The following NGEF variants were observed in gnomAD, a reference collection of about 807,000 sequenced individuals.
The protein encoded by NGEF is neuronal guanine nucleotide exchange factor.
NGEF carries 31 observed loss-of-function variants against 80.9 expected under a neutral mutation model. The observed-to-expected ratio is 0.38, with a 90% confidence interval of 0.29 to 0.52. The LOEUF is 0.52. NGEF is among the 20% of genes least tolerant of loss of function. The probability of loss-of-function intolerance (pLI) is 0.84; values close to 1 mark genes in which losing one functional copy is unlikely to be tolerated. For synonymous variants in NGEF, 371 were observed against 370.2 expected, an observed-to-expected ratio of 1.00 and a Z score of -0.03; for missense variants, 709 against 926.2, an observed-to-expected ratio of 0.77 and a Z score of 3.04.
At chr2:232,947,615 C>CT (rs1693585921) in intron 3 of NGEF, among the ~76,000 whole-genome samples, 1 of 152,224 alleles carries the variant, frequency 6.6e-6, no homozygotes, top group Non-Finnish European at 1.5e-5. Context: ...GCTTCGCCTT[C>CT]TGCCATAATT....
At chr2:232,946,623 G>T (rs1476397652) in intron 3 of NGEF, among the ~76,000 whole-genome samples, 1 of 152,182 alleles carries the variant, frequency 6.6e-6, no homozygotes, top group Non-Finnish European at 1.5e-5. Flanking sequence ...CTAATGCCCA[G>T]ATCTTGGTTT....
rs752436267 is a variant in NGEF at position 232,883,415 on chromosome 2, C to T, written c.1653G>A (p.Glu551=). The T allele has an allele frequency of 1.2e-6, 2 of 1,610,872 alleles. No individual in the cohort carries two copies. Among genetic ancestry groups the T allele is most frequent in the East Asian group, 2.2e-5 (1 of 44,772 alleles). ...DSAPRGLLRV[E]ELEDQGQTLA... is the part of the protein sequence containing the mutation. ...GCGTCTGGCCCTGGTCCTCCAGCTC[C>T]TCCACACGCAGCAGTCCCCGCGGAG... Residue 551 remains glutamate (E), a synonymous_variant, in exon 12 of 15, where the codon GAG becomes GAA. Transcript: ENST00000264051.
intron 3 of NGEF, among the ~76,000 whole-genome samples, chr2:232,939,112 A>G (rs901726844): frequency 1.4e-5 from 2 of 140,246 alleles, no homozygotes; most frequent in East Asian, 2.3e-4. Context: ...TGGGATGAAG[A>G]GGTTGCAGTG....
chr2:232,902,373 A>C (rs1240257947), intron 5 of NGEF, among the ~76,000 whole-genome samples: 1 of 152,202 alleles, frequency 6.6e-6, no homozygotes, highest in Admixed American at 6.5e-5. Flanking sequence ...TCTTTAGTGA[A>C]TTCGAGGCCG....
At position 232,995,363 on chromosome 2, in the gene NGEF, C is replaced by CAGTA. The variant is rs1441148723; in HGVS notation, c.-75+17704_-75+17705insTACT. 2.1e-4 allele frequency among the ~76,000 whole-genome samples: 2 copies of CAGTA among 9,628 alleles called. 1 individual carries two copies. Among genetic ancestry groups the CAGTA allele is most frequent in the African/African-American group, 1.5e-3 (2 of 1,342 alleles). The allele number at this position is 9,628 out of a possible 152,430, so 6.3% of individuals were successfully genotyped here. On this transcript the variant is annotated intron_variant, in intron 1 of 14. Transcript: ENST00000264051. ...CTATATACAGTATGTATACTGTATA[C>CAGTA]TGTATATATATACACAGTATGTATA...
Position 232,892,862 on chromosome 2 carries a change from C to A in NGEF, c.1142+36G>T. 2.5e-6 allele frequency: 4 copies of A among 1,602,906 alleles called. No homozygotes were observed. The South Asian group carries it at 3.3e-5, about 13-fold the overall frequency. On this transcript the variant is annotated intron_variant, in intron 7 of 14. Transcript: ENST00000264051. The surrounding 1 kb of genome is among the most constrained non-coding windows in gnomAD (Gnocchi z 4.0). ...ACTGGTATGGCTGCCCCGGGCACCT[C>A]CCCCTGCCCCTGAGCCCCTTGCCGG... is the stretch of plus-strand genomic sequence containing the variant.
chr2:232,979,854 C>CTT (rs370409750), intron 1 of NGEF, among the ~76,000 whole-genome samples: 2 of 145,334 alleles, frequency 1.4e-5, no homozygotes. Context: ...CTGTAAACAT[C>CTT]TTTTTTTTTT....
At chr2:232,880,874 C>T (rs549169906) in intron 14 of NGEF, among the ~76,000 whole-genome samples, 9 of 152,110 alleles carry the variant, frequency 5.9e-5, no homozygotes, top group Admixed American at 3.9e-4. Context: ...CGAAGCCACC[C>T]GCTTGGGCTG....
intron 3 of NGEF, among the ~76,000 whole-genome samples, chr2:232,946,002 T>C (rs995960786): frequency 1.3e-5 from 2 of 151,130 alleles, no homozygotes; most frequent in African/African-American, 4.9e-5. Context: ...AACTGTGATA[T>C]CCATATATAT....
Position 232,974,687 on chromosome 2 carries a change from G to A in NGEF, c.204C>T (p.Ser68=), listed in dbSNP as rs1235285901. The A allele has an allele frequency of 1.2e-6, 2 of 1,614,094 alleles. No individual in the cohort carries two copies. Residue 68 remains serine, a synonymous_variant, in exon 2 of 15, where the codon TCC becomes TCT. Transcript: ENST00000264051. ...PIKRNSIFNR[S]IRRKSKAKAR... is the part of the protein sequence containing the mutation. ...CCTTGGCTTTGCTTTTGCGTCTTAT[G>A]GAGCGATTGAAGATGGAATTTCTCT... is the stretch of plus-strand genomic sequence containing the variant.
intron 3 of NGEF, among the ~76,000 whole-genome samples, chr2:232,945,105 G>T (rs1165005254): frequency 6.6e-6 from 1 of 151,780 alleles, no homozygotes; most frequent in Non-Finnish European, 1.5e-5. Flanking sequence ...AATAATAAAA[G>T]AAATCTAAAA....
intron 3 of NGEF, among the ~76,000 whole-genome samples, chr2:232,941,313 C>T (rs1693432987): frequency 1.5e-5 from 1 of 65,074 alleles, no homozygotes; most frequent in Non-Finnish European, 2.8e-5. Flanking sequence ...CTTCCAGCTG[C>T]ACAACTCTAA....
At chr2:232,890,097 GTTGT>G (rs1559193575) in intron 8 of NGEF, among the ~76,000 whole-genome samples, 36 of 126,076 alleles carry the variant, frequency 2.9e-4, no homozygotes, top group East Asian at 1.5e-3. Flanking sequence ...GCCTCACTGG[GTTGT>G]CAGGCAAAGG....
At chr2:233,011,481 T>A (rs1683633353) in intron 1 of NGEF, among the ~76,000 whole-genome samples, 1 of 151,850 alleles carries the variant, frequency 6.6e-6, no homozygotes, top group African/African-American at 2.4e-5. Flanking sequence ...GTGGTTAGGT[T>A]TGGTCTCCTC....
At chr2:232,933,828 A>G (rs539274831) in intron 3 of NGEF, among the ~76,000 whole-genome samples, 8 of 152,258 alleles carry the variant, frequency 5.3e-5, no homozygotes, top group African/African-American at 1.7e-4. Flanking sequence ...TCTGCTGTCT[A>G]GCCTGCAGTT....
intron 3 of NGEF, among the ~76,000 whole-genome samples, chr2:232,961,228 A>G (rs1211028685): frequency 6.6e-6 from 1 of 152,090 alleles, no homozygotes; most frequent in Non-Finnish European, 1.5e-5. Flanking sequence ...TACTGCCTCT[A>G]GCCCCCACCG....
chr2:233,011,224 G>A (rs993168549), intron 1 of NGEF, among the ~76,000 whole-genome samples: 6 of 151,650 alleles, frequency 4.0e-5, no homozygotes, highest in African/African-American at 1.5e-4. Context: ...CCACTTCAAA[G>A]CCTCACACAT....
In NGEF at chr2:232,970,299, C is replaced by G; in HGVS notation, c.298G>C (p.Glu100Gln). 2 of 1,603,344 alleles carry G rather than the reference C, an allele frequency of 1.2e-6. No individual in the cohort carries two copies. Among genetic ancestry groups the G allele is most frequent in the East Asian group, 2.3e-5 (1 of 43,736 alleles). The change falls in exon 3 of 15, where the codon GAG becomes CAG. Residue 100 changes from glutamate (E) to glutamine (Q), a missense_variant. Physicochemically the swap from Glu to Gln is conservative, Grantham distance 29. Around this residue, in one of 2 missense-constraint regions of NGEF, gnomAD observed 283 missense variants for 303.4 expected, o/e 0.93. Coordinates refer to ENST00000264051, the MANE Select transcript of NGEF (RefSeq NM_019850.3). ...DSQDNGKSVNEPLTLNIPWSR... is the reference protein window; with the variant it reads ...DSQDNGKSVNQPLTLNIPWSR... ...CAGGGGATATTCAAGGTCAGGGGCT[C>G]ATTTACAGATTTTCCATTGTCCTGT... is the stretch of plus-strand genomic sequence containing the variant.
At chr2:232,940,528 C>T (rs1179993215) in intron 3 of NGEF, among the ~76,000 whole-genome samples, 1 of 151,812 alleles carries the variant, frequency 6.6e-6, no homozygotes, top group Non-Finnish European at 1.5e-5. Flanking sequence ...AGAGTCTGTG[C>T]AAAAAAATGA....
Sources: gnomAD v4.1 joint callset for allele counts (sites outside exome capture counted in the v4.1 genomes callset) on GRCh38, gnomAD v4.1.1 for gene constraint, gnomAD v4.1.1 regional missense constraint, Gnocchi (gnomAD v3.1) non-coding constraint, MANE v1.5 for transcripts, NCBI Gene and HGNC (gene_info 2026-07-23, HGNC 2026-07-21) for gene names.